The following NAV2 variants were observed in gnomAD, a reference collection of about 807,000 sequenced individuals.
NAV2 encodes neuron navigator 2.
NAV2 carries 54 observed loss-of-function variants against 223.2 expected under a neutral mutation model. That is an observed-to-expected ratio of 0.24 (90% CI 0.19 to 0.30). NAV2 has a LOEUF of 0.30. NAV2 is among the 10% of genes least tolerant of loss of function. NAV2 has a pLI of 1.00. For synonymous variants in NAV2, 1,279 were observed against 1,239.3 expected, an observed-to-expected ratio of 1.03 and a Z score of -0.67; for missense variants, 2,806 against 3,147.5, an observed-to-expected ratio of 0.89 and a Z score of 2.60.
At chr11:20,112,286 A>G (rs2062700739) in intron 36 of NAV2, among the ~76,000 whole-genome samples, 1 of 152,162 alleles carries the variant, frequency 6.6e-6, no homozygotes, top group Admixed American at 6.5e-5. Flanking sequence ...CAAATGCCAG[A>G]CTGAGCTCCT....
intron 1 of NAV2, among the ~76,000 whole-genome samples, chr11:19,391,552 C>T (rs971894468): frequency 1.3e-5 from 2 of 152,114 alleles, no homozygotes; most frequent in Admixed American, 1.3e-4. Context: ...GTGGGCAAGA[C>T]GTTCACTGTT....
chr11:19,832,501 C>T lies in NAV2; in HGVS notation c.285C>T (p.Ala95=), dbSNP rs1319900270. 7 of 1,613,922 alleles carry T rather than the reference C, an allele frequency of 4.3e-6. No individual in the cohort carries two copies. Among genetic ancestry groups the T allele is most frequent in the Non-Finnish European group, 5.1e-6 (6 of 1,179,938 alleles). ...GFDTQIYTDW[A]NHYLAKSGHK... is the part of the protein sequence containing the mutation. ...TTTTACAGATCTACACAGACTGGGC[C>T]AATCATTACCTAGCCAAATCCGGCC... Residue 95 remains alanine (A), a synonymous_variant, in exon 2 of 38, where the codon GCC becomes GCT. Transcript: ENST00000349880.
chr11:20,083,024 G>T lies in NAV2; in HGVS notation c.5343G>T (p.Lys1781Asn), dbSNP rs1052493217. Reference protein sequence around the residue: ...KRKNWLRSSFKQAFGKKKSPK... With the variant: ...KRKNWLRSSFNQAFGKKKSPK... Reference sequence around the variant, plus strand: ...ATATTCAGTTACGCAGCTCCTTCAAGCAAGCTTTCGGGAAGAAGAAGTCCC... The same window carrying T: ...ATATTCAGTTACGCAGCTCCTTCAATCAAGCTTTCGGGAAGAAGAAGTCCC... The change falls in exon 26 of 38, where the codon AAG (lysine) becomes AAT (asparagine). Residue 1781 changes from lysine (K) to asparagine (N), a missense_variant. Lys to Asn is a moderately conservative substitution (Grantham distance 94). Coordinates refer to ENST00000349880, the MANE Select transcript of NAV2 (RefSeq NM_145117.5). The T allele has an allele frequency of 2.4e-5, 39 of 1,613,396 alleles. No homozygotes were observed. The highest frequency in any genetic ancestry group is 3.3e-5 in the Non-Finnish European group (39 of 1,179,700).
intron 9 of NAV2, among the ~76,000 whole-genome samples, chr11:19,947,197 A>C (rs926410036): frequency 1.8e-4 from 28 of 152,226 alleles, no homozygotes; most frequent in African/African-American, 6.8e-4. Flanking sequence ...GGCTATGGCA[A>C]GGAAACCACA....
chr11:19,443,352 T>G (rs951572311), intron 1 of NAV2, among the ~76,000 whole-genome samples: 3 of 152,104 alleles, frequency 2.0e-5, no homozygotes, highest in Non-Finnish European at 4.4e-5. Context: ...AAGTATACAG[T>G]CAGCTCTCCA....
chr11:19,716,203 G>C (rs2050295616), intron 1 of NAV2, among the ~76,000 whole-genome samples: 1 of 152,166 alleles, frequency 6.6e-6, no homozygotes, highest in Non-Finnish European at 1.5e-5. Context: ...TGGGGCCCCT[G>C]ACTCCCCTTT....
intron 11 of NAV2, among the ~76,000 whole-genome samples, chr11:19,994,870 A>G (rs1040734433): frequency 3.3e-5 from 5 of 152,196 alleles, no homozygotes; most frequent in African/African-American, 9.7e-5. Flanking sequence ...AGAATCATCA[A>G]TTGTAGCCCT....
chr11:20,097,672 T>C lies in NAV2; in HGVS notation c.6108T>C (p.Thr2036=), dbSNP rs2061369851. Residue 2036 remains threonine, a synonymous_variant, in exon 31 of 38, where the codon ACT becomes ACC. Transcript: ENST00000349880. ...TTGGAGAAATCAAGCGCAGCAACAC[T>C]TCCGAAACACCGGAGCTGCTTCCTT... ...YSIGEIKRSN[T]SETPELLPCG... 6.2e-7 allele frequency: 1 copy of C among 1,613,526 alleles called. No individual in the cohort carries two copies. Among genetic ancestry groups the C allele is most frequent in the Non-Finnish European group, 8.5e-7 (1 of 1,179,852 alleles).
At position 20,114,863 on chromosome 11, in the gene NAV2, G is replaced by A. The variant is rs886181675; in HGVS notation, c.7164+68G>A. On this transcript the variant is annotated intron_variant, in intron 37 of 37. Coordinates refer to ENST00000349880, the MANE Select transcript of NAV2 (RefSeq NM_145117.5). Reference sequence around the variant, plus strand: ...CTTACTGTGTGTTGGGTATGATGCAGAGCCTCTGGAAATACAAAGGTGACT... The same window carrying A: ...CTTACTGTGTGTTGGGTATGATGCAAAGCCTCTGGAAATACAAAGGTGACT... The A allele has an allele frequency of 2.1e-6, 3 of 1,438,656 alleles. No individual in the cohort carries two copies. In the African/African-American group the frequency reaches 4.2e-5, roughly 20 times the overall value. 89.1% of individuals were successfully genotyped at this position (1,438,656 alleles called of 1,614,324 possible). A position where few individuals can be genotyped will look rare whatever the true frequency, so the allele number is the denominator to read the frequency against.
intron 1 of NAV2, among the ~76,000 whole-genome samples, chr11:19,765,139 C>T (rs985800479): frequency 6.6e-6 from 1 of 152,166 alleles, no homozygotes; most frequent in Non-Finnish European, 1.5e-5. Context: ...CACTTGTTTG[C>T]TTAGGACCCT....
At chr11:19,524,484 T>G (rs1434505111) in intron 1 of NAV2, among the ~76,000 whole-genome samples, 1 of 152,194 alleles carries the variant, frequency 6.6e-6, no homozygotes, top group Non-Finnish European at 1.5e-5. Flanking sequence ...GGCCCGGCTC[T>G]GCACCTGAAC....
intron 10 of NAV2, among the ~76,000 whole-genome samples, chr11:19,980,977 A>C (rs74493981): frequency 0.047 from 7,199 of 152,260 alleles, 535 homozygotes; most frequent in African/African-American, 0.16. Flanking sequence ...ACAGTTGAAC[A>C]TGTGTTTACA....
At chr11:19,935,849 C>CTTTTTTTTTTTTTTTTT (rs1565594361) in intron 7 of NAV2, among the ~76,000 whole-genome samples, 1 of 69,438 alleles carries the variant, frequency 1.4e-5, no homozygotes, top group Non-Finnish European at 3.3e-5. Context: ...TGTTTTGTTT[C>CTTTTTTTTTTTTTTTTT]TGTTTTTTTT....
At chr11:19,629,153 A>T (rs926886340) in intron 1 of NAV2, among the ~76,000 whole-genome samples, 28 of 151,554 alleles carry the variant, frequency 1.8e-4, no homozygotes, top group Non-Finnish European at 3.4e-4. Context: ...CTCCATCCTC[A>T]TTTCCTCGTC....
At chr11:19,362,658 G>A (rs1478509697) in intron 1 of NAV2, among the ~76,000 whole-genome samples, 3 of 152,146 alleles carry the variant, frequency 2.0e-5, no homozygotes, top group Non-Finnish European at 4.4e-5. Flanking sequence ...CACAGGTTCT[G>A]TAGTTACCTG....
intron 1 of NAV2, among the ~76,000 whole-genome samples, chr11:19,392,066 T>G (rs1205478150): frequency 6.6e-6 from 1 of 152,200 alleles, no homozygotes; most frequent in African/African-American, 2.4e-5. Context: ...GGATTAGTGG[T>G]TTCTAGGAAC....
At chr11:19,803,995 T>C (rs995972137) in intron 1 of NAV2, among the ~76,000 whole-genome samples, 1 of 152,116 alleles carries the variant, frequency 6.6e-6, no homozygotes, top group Admixed American at 6.5e-5. Flanking sequence ...AAAAGTGATA[T>C]GGTATAAGGT....
rs1471368269 is a variant in NAV2, at chr11:19,934,028, G to T, written c.1784G>T (p.Ser595Ile). ...GAGCGGAGCCGGAGTGGGAAGCTGA[G>T]CTCAGGACTCCCCCAGCAGAAGCCC... ...EGERSRSGKLSSGLPQQKPQL... is the reference protein window; with the variant it reads ...EGERSRSGKLISGLPQQKPQL... Residue 595 changes from serine (S) to isoleucine (I), a missense_variant, in exon 7 of 38, where the codon AGC becomes ATC. Physicochemically the swap from Ser to Ile is moderately radical, Grantham distance 142. This residue lies in a region of NAV2 where 1,167 missense variants were observed against 1,180.5 expected (regional missense o/e 0.99). Transcript: ENST00000349880. The T allele has an allele frequency of 6.3e-7, 1 of 1,598,258 alleles. No homozygotes were observed.
chr11:19,397,451 G>C (rs543400679), intron 1 of NAV2, among the ~76,000 whole-genome samples: 1 of 151,220 alleles, frequency 6.6e-6, no homozygotes, highest in African/African-American at 2.4e-5. Flanking sequence ...TACTGTTCTT[G>C]TGTCTGCCTC....
Sources: allele counts gnomAD v4.1 joint callset (sites outside exome capture counted in the v4.1 genomes callset), GRCh38; gene constraint gnomAD v4.1.1; regional missense constraint gnomAD v4.1.1; transcripts MANE v1.5; gene names NCBI Gene and HGNC (gene_info 2026-07-23, HGNC 2026-07-21).